TANC1: variants seen among roughly 807,000 people sequenced by gnomAD.
TANC1 encodes the protein protein TANC1.
Under a neutral mutation model 149.7 loss-of-function variants are expected in TANC1, and 77 were observed. The observed-to-expected ratio is 0.51, with a 90% CI of 0.43 to 0.62. TANC1 has a LOEUF of 0.62. TANC1 is among the 20% of genes least tolerant of loss of function. The pLI, the probability that TANC1 is intolerant of heterozygous loss-of-function variation, is 0.00. For missense variants in TANC1, 1,985 were observed against 2,321.8 expected (o/e 0.85, Z 2.98); for synonymous variants, 854 against 925.0 (o/e 0.92, Z 1.39).
At chr2:159,179,427 T>TG (rs1417684698) in intron 14 of TANC1, among the ~76,000 whole-genome samples, 3 of 152,018 alleles carry the variant, frequency 2.0e-5, no homozygotes, top group African/African-American at 7.3e-5. Flanking sequence ...GGTGCCTGTG[T>TG]GGTCCTTCCT....
At chr2:159,204,557 G>A (rs547826660) in intron 19 of TANC1, among the ~76,000 whole-genome samples, 13 of 152,288 alleles carry the variant, frequency 8.5e-5, no homozygotes, top group Non-Finnish European at 1.5e-4. Context: ...CAGTCGTCCT[G>A]CCCTGTCGTG....
intron 2 of TANC1, among the ~76,000 whole-genome samples, chr2:159,025,527 C>T (rs2039266217): frequency 6.6e-6 from 1 of 151,980 alleles, no homozygotes; most frequent in Non-Finnish European, 1.5e-5. Flanking sequence ...GTAAAGATCC[C>T]CGATGACATT....
At chr2:159,002,352 G>T (rs187454270) in intron 2 of TANC1, among the ~76,000 whole-genome samples, 2 of 152,278 alleles carry the variant, frequency 1.3e-5, no homozygotes, top group East Asian at 3.9e-4. Flanking sequence ...AACGTAGGGA[G>T]GGGGTGGCAG....
chr2:159,224,534 C>G (rs982926681), intron 23 of TANC1, 170 bp downstream of exon 23: 2 of 740,238 alleles, frequency 2.7e-6, no homozygotes, highest in Admixed American at 5.4e-5. Flanking sequence ...GTGTAAGTAG[C>G]TCACGGTGTT....
At chr2:159,195,120 C>T (rs781639495) in intron 17 of TANC1, among the ~76,000 whole-genome samples, 2 of 152,104 alleles carry the variant, frequency 1.3e-5, no homozygotes, top group African/African-American at 2.4e-5. Flanking sequence ...TACTCTAGAG[C>T]GATCAACTTT....
chr2:158,990,968 G>A (rs2035560498), intron 1 of TANC1, among the ~76,000 whole-genome samples: 1 of 151,754 alleles, frequency 6.6e-6, no homozygotes, highest in South Asian at 2.1e-4. Flanking sequence ...AGCTAGTGAG[G>A]AGGCTGAGGT....
chr2:159,033,008 C>T (rs553319061), intron 2 of TANC1, among the ~76,000 whole-genome samples: 8 of 152,220 alleles, frequency 5.3e-5, no homozygotes, highest in African/African-American at 1.4e-4. Flanking sequence ...AGAAGCTCAA[C>T]GGAGGAAGAC....
At chr2:159,045,877 C>A (rs1318732255) in intron 2 of TANC1, among the ~76,000 whole-genome samples, 1 of 152,028 alleles carries the variant, frequency 6.6e-6, no homozygotes, top group Non-Finnish European at 1.5e-5. Flanking sequence ...TGACAAAGAA[C>A]AAGAAAAATG....
chr2:159,021,800 A>T lies in TANC1; in HGVS notation c.-16+20611A>T, dbSNP rs142516133. ...AACTTTCAGTCTTTTCTGCTTTACT[A>T]TACTGTCCACATGCAAGAGAAGTAT... On this transcript the variant is annotated intron_variant, in intron 2 of 26. Coordinates refer to ENST00000263635, the MANE Select transcript of TANC1 (RefSeq NM_033394.3). 6.5e-3 allele frequency among the ~76,000 whole-genome samples: 984 copies of T among 152,326 alleles called. 12 individuals carry two copies. The highest frequency in any genetic ancestry group is 0.028 in the South Asian group (134 of 4,830).
At chr2:159,087,796 C>G (rs1209180543) in intron 3 of TANC1, among the ~76,000 whole-genome samples, 4 of 150,562 alleles carry the variant, frequency 2.7e-5, no homozygotes, top group Non-Finnish European at 5.9e-5. Context: ...TAAAGTGATC[C>G]TGTTTGGAAA....
intron 7 of TANC1, among the ~76,000 whole-genome samples, chr2:159,159,067 G>C (rs760902976): frequency 9.9e-5 from 15 of 152,180 alleles, no homozygotes; most frequent in Non-Finnish European, 1.9e-4. Context: ...CCTATAACTT[G>C]ATTTGGATCC....
At chr2:159,204,803 A>G (rs967224058) in intron 19 of TANC1, among the ~76,000 whole-genome samples, 4 of 152,232 alleles carry the variant, frequency 2.6e-5, no homozygotes, top group African/African-American at 9.6e-5. Flanking sequence ...TTAGTCAGGT[A>G]AATAATTTTT....
intron 7 of TANC1, chr2:159,150,855 A>T (rs2052719292): frequency 3.7e-6 from 1 of 272,758 alleles, no homozygotes; most frequent in South Asian, 7.1e-5. Flanking sequence ...ATTCAGTTCC[A>T]TTTGTTGGGC....
At chr2:159,007,953 A>G (rs1368699637) in intron 2 of TANC1, among the ~76,000 whole-genome samples, 1 of 152,218 alleles carries the variant, frequency 6.6e-6, no homozygotes, top group Non-Finnish European at 1.5e-5. Flanking sequence ...CTGGTACATT[A>G]ATCTTAGTTT....
chr2:159,094,800 G>A (rs1407381525), intron 3 of TANC1, among the ~76,000 whole-genome samples: 4 of 151,748 alleles, frequency 2.6e-5, no homozygotes, highest in South Asian at 2.1e-4. Flanking sequence ...GCCAGCCTGG[G>A]GGCCACTGCT....
rs562457221 is a variant in TANC1 at position 159,188,447 on chromosome 2, C to T, written c.2742+1423C>T. ...GCCAGGATGGGGCCAGCCTGGGCCC[C>T]GCTGGCCCACTGGAGTCCCATCCAG... On this transcript the variant is annotated intron_variant, in intron 16 of 26. Transcript: ENST00000263635. 7.2e-5 allele frequency among the ~76,000 whole-genome samples: 11 copies of T among 152,228 alleles called. No individual in the cohort carries two copies. The South Asian group carries it at 1.5e-3, about 20-fold the overall frequency.
At chr2:158,979,106 C>T (rs1445008685) in intron 1 of TANC1, among the ~76,000 whole-genome samples, 4 of 152,120 alleles carry the variant, frequency 2.6e-5, no homozygotes, top group Non-Finnish European at 5.9e-5. Flanking sequence ...TGCTGTGAAA[C>T]TTTCACCTGT....
chr2:159,196,720 A>G lies in TANC1; in HGVS notation c.3092A>G (p.Gln1031Arg). 1.9e-6 allele frequency: 3 copies of G among 1,613,960 alleles called. No homozygotes were observed. Among genetic ancestry groups the G allele is most frequent in the Non-Finnish European group, 2.5e-6 (3 of 1,180,008 alleles). The change falls in exon 18 of 27, where the codon CAG (glutamine) becomes CGG (arginine). Residue 1031 changes from glutamine (Q) to arginine (R), a missense_variant. Gln to Arg is a conservative substitution (Grantham distance 43). This residue lies in a region of TANC1 where 508 missense variants were observed against 714.2 expected (regional missense o/e 0.71). Coordinates refer to ENST00000263635, the MANE Select transcript of TANC1 (RefSeq NM_033394.3). ...LTCEWSPGPP[Q>R]PGTLRKSHAL... ...TGTGAGTGGTCGCCGGGTCCTCCCC[A>G]GCCAGGCACCCTGAGGAAGAGCCAC...
chr2:159,221,305 C>T (rs532687771), intron 22 of TANC1, among the ~76,000 whole-genome samples: 2 of 152,192 alleles, frequency 1.3e-5, no homozygotes, highest in South Asian at 2.1e-4. Context: ...CACTTGAACC[C>T]GGGAGGTGGA....
Sources: gnomAD v4.1 joint callset for allele counts (sites outside exome capture counted in the v4.1 genomes callset) on GRCh38, gnomAD v4.1.1 for gene constraint, gnomAD v4.1.1 regional missense constraint, MANE v1.5 for transcripts, NCBI Gene and HGNC (gene_info 2026-07-23, HGNC 2026-07-21) for gene names.